CFAP61: variants seen among roughly 807,000 people sequenced by gnomAD.
CFAP61 encodes the protein cilia and flagella associated protein 61, also known as cilia- and flagella-associated protein 61.
A neutral mutation model predicts 135.6 loss-of-function variants in CFAP61; 107 were observed. That is an observed-to-expected ratio of 0.79 (90% confidence interval 0.67 to 0.93). The LOEUF is 0.93. Ranked by LOEUF, CFAP61 falls within the 40% of genes least tolerant of loss-of-function variation. The pLI is 0.00. For missense variants in CFAP61, 1,507 were observed against 1,556.2 expected, an observed-to-expected ratio of 0.97 and a Z score of 0.53; for synonymous variants, 575 against 578.5, an observed-to-expected ratio of 0.99 and a Z score of 0.09.
At chr20:20,329,249 C>T (rs1384381614) in intron 25 of CFAP61, among the ~76,000 whole-genome samples, 1 of 152,154 alleles carries the variant, frequency 6.6e-6, no homozygotes, top group Non-Finnish European at 1.5e-5. Context: ...CCAGCTCCAT[C>T]TGTGCTAGGG....
chr20:20,100,573 A>G (rs1376622276), intron 8 of CFAP61, among the ~76,000 whole-genome samples: 2 of 152,170 alleles, frequency 1.3e-5, no homozygotes, highest in Non-Finnish European at 2.9e-5. Flanking sequence ...GTTAGAATCT[A>G]TGTGTTGTGC....
At chr20:20,097,272 T>C (rs1874864292) in intron 7 of CFAP61, among the ~76,000 whole-genome samples, 1 of 152,196 alleles carries the variant, frequency 6.6e-6, no homozygotes, top group Non-Finnish European at 1.5e-5. Context: ...ATGCAATGGT[T>C]ATCTAAAAGT....
chr20:20,137,732 G>T (rs1490092527), intron 8 of CFAP61, among the ~76,000 whole-genome samples: 1 of 152,242 alleles, frequency 6.6e-6, no homozygotes, highest in East Asian at 1.9e-4. Flanking sequence ...AGCCTGTTTG[G>T]TGCTCTTCCC....
chr20:20,277,203 C>A lies in CFAP61; in HGVS notation c.2541C>A (p.Tyr847Ter). 6.2e-7 allele frequency: 1 copy of A among 1,613,240 alleles called. No individual in the cohort carries two copies. Among genetic ancestry groups the A allele is most frequent in the Non-Finnish European group, 8.5e-7 (1 of 1,179,542 alleles). ...IIVYGNTIDT[Y>*]TTVETLLNLG... ...TCTATGGGAATACAATTGATACTTA[C>A]ACCACCGTGGAGACGCTCTTAAACC... Residue 847 changes from tyrosine (Y) to a stop codon, truncating the protein, a stop_gained, in exon 22 of 27, where the codon TAC becomes TAA. Transcript: ENST00000245957. LOFTEE classifies it high-confidence loss of function.
At chr20:20,085,173 A>G (rs2046706963) in intron 6 of CFAP61, 1 of 985,296 alleles carries the variant, frequency 1.0e-6, no homozygotes, top group African/African-American at 1.7e-5. Context: ...AGGGCATGTG[A>G]CGCTGCGGTG....
chr20:20,308,752 C>T (rs1315722395), intron 25 of CFAP61, among the ~76,000 whole-genome samples: 1 of 152,180 alleles, frequency 6.6e-6, no homozygotes, highest in African/African-American at 2.4e-5. Context: ...CATCCCTCTG[C>T]ACATCTTCGT....
intron 18 of CFAP61, among the ~76,000 whole-genome samples, chr20:20,230,555 G>T (rs2049052984): frequency 6.6e-6 from 1 of 151,990 alleles, no homozygotes; most frequent in African/African-American, 2.4e-5. Context: ...TTTTTGGTTT[G>T]TTTTTGTTTT....
chr20:20,162,961 AG>A (rs1214005384), intron 10 of CFAP61, among the ~76,000 whole-genome samples: 2 of 152,194 alleles, frequency 1.3e-5, no homozygotes, highest in Non-Finnish European at 2.9e-5. Context: ...GTAGTATGAG[AG>A]GGATTAATCT....
chr20:20,280,348 A>AG (rs1452402531), intron 22 of CFAP61, among the ~76,000 whole-genome samples: 1 of 152,148 alleles, frequency 6.6e-6, no homozygotes, highest in African/African-American at 2.4e-5. Flanking sequence ...GAGCCTCTGG[A>AG]GGGAGCATGT....
At chr20:20,298,683 C>T (rs187102595) in intron 25 of CFAP61, among the ~76,000 whole-genome samples, 2 of 152,282 alleles carry the variant, frequency 1.3e-5, no homozygotes, top group East Asian at 1.9e-4. Flanking sequence ...CCTTTCCACA[C>T]GGGGCTGCTA....
At chr20:20,075,113 C>T in intron 4 of CFAP61, 76 bp from the exon 5 acceptor site, 1 of 1,347,058 alleles carries the variant, frequency 7.4e-7, no homozygotes, top group East Asian at 2.3e-5. Flanking sequence ...TTAGTGACAG[C>T]ATTTGTCTTC....
intron 13 of CFAP61, among the ~76,000 whole-genome samples, chr20:20,187,670 A>G (rs1389781893): frequency 6.6e-6 from 1 of 152,202 alleles, no homozygotes; most frequent in Non-Finnish European, 1.5e-5. Flanking sequence ...TTTAAATTAA[A>G]TGTATTTAAA....
At chr20:20,096,004 A>C (rs1024381011) in intron 7 of CFAP61, among the ~76,000 whole-genome samples, 3 of 152,212 alleles carry the variant, frequency 2.0e-5, no homozygotes, top group African/African-American at 7.2e-5. Context: ...TATTTACAGG[A>C]CAAGCAAGAA....
At chr20:20,341,687 C>A in intron 25 of CFAP61, 144 bp from the exon 26 acceptor site, 2 of 559,670 alleles carry the variant, frequency 3.6e-6, no homozygotes, top group Non-Finnish European at 6.3e-6. Flanking sequence ...ATTGATTGGT[C>A]AGGCTGTTCC....
intron 24 of CFAP61, among the ~76,000 whole-genome samples, chr20:20,296,403 CTTCT>C (rs1358640709): frequency 5.9e-4 from 72 of 122,520 alleles, no homozygotes; most frequent in East Asian, 3.1e-3. Flanking sequence ...TCCTGCCTTC[CTTCT>C]TTCTTTCTTT....
chr20:20,177,946 A>AT (rs1446951934), intron 13 of CFAP61, among the ~76,000 whole-genome samples: 1 of 151,990 alleles, frequency 6.6e-6, no homozygotes, highest in Non-Finnish European at 1.5e-5. Flanking sequence ...ATGTTCTTCT[A>AT]TTTTTTGCTT....
At chr20:20,139,185 A>G (rs898675005) in intron 8 of CFAP61, among the ~76,000 whole-genome samples, 2 of 152,222 alleles carry the variant, frequency 1.3e-5, no homozygotes, top group East Asian at 3.8e-4. Flanking sequence ...TTCCTATTAG[A>G]TAAAGAGCGG....
At chr20:20,332,993 T>C (rs933213545) in intron 25 of CFAP61, among the ~76,000 whole-genome samples, 2 of 152,198 alleles carry the variant, frequency 1.3e-5, no homozygotes, top group African/African-American at 4.8e-5. Context: ...TTTATTGCTC[T>C]ATAAAATGGC....
At chr20:20,058,098 A>G (rs1465394415) in intron 2 of CFAP61, among the ~76,000 whole-genome samples, 8 of 152,224 alleles carry the variant, frequency 5.3e-5, no homozygotes, top group Non-Finnish European at 1.0e-4. Context: ...CTTCATATCA[A>G]ATACAATTGA....
Sources: gnomAD v4.1 joint callset for allele counts (sites outside exome capture counted in the v4.1 genomes callset) on GRCh38, gnomAD v4.1.1 for gene constraint, MANE v1.5 for transcripts, NCBI Gene and HGNC (gene_info 2026-07-23, HGNC 2026-07-21) for gene names.